The following C1QTNF3 variants were observed in gnomAD, a reference collection of about 807,000 sequenced individuals.
C1QTNF3 encodes complement C1q tumor necrosis factor-related protein 3.
A neutral mutation model predicts 32.6 loss-of-function variants in C1QTNF3; 26 were observed. The observed-to-expected ratio is 0.80, with a 90% CI of 0.58 to 1.11. C1QTNF3 has a LOEUF of 1.11. Ranked by LOEUF, C1QTNF3 falls within the 50% of genes least tolerant of loss-of-function variation. The pLI is 0.00. For missense variants in C1QTNF3, 362 were observed against 398.2 expected (o/e 0.91, Z 0.77); for synonymous variants, 155 against 146.0 (o/e 1.06, Z -0.44).
the C1QTNF3 span, among the ~76,000 whole-genome samples, chr5:34,177,590 G>A: frequency 9.4e-4 from 140 of 148,478 alleles, 1 homozygote; most frequent in African/African-American, 3.3e-3. Flanking sequence ...CAGTTCAAGC[G>A]ATTCTCCTGC....
chr5:34,183,917 G>A, the C1QTNF3 span, among the ~76,000 whole-genome samples: 1 of 152,292 alleles, frequency 6.6e-6, no homozygotes, highest in African/African-American at 2.4e-5. Flanking sequence ...GGCAAGGAGG[G>A]GTGAGTTATA....
chr5:34,138,320 C>G, the C1QTNF3 span, among the ~76,000 whole-genome samples: 1 of 152,004 alleles, frequency 6.6e-6, no homozygotes, highest in Non-Finnish European at 1.5e-5. Context: ...TTTTTTTCCA[C>G]CTGGTACCTA....
the C1QTNF3 span, among the ~76,000 whole-genome samples, chr5:34,053,141 T>C: frequency 6.6e-6 from 1 of 152,158 alleles, no homozygotes; most frequent in Non-Finnish European, 1.5e-5. Context: ...AAACCTTGAG[T>C]GTGCCTTGAA....
the C1QTNF3 span, among the ~76,000 whole-genome samples, chr5:34,197,339 A>C: frequency 6.6e-6 from 1 of 152,278 alleles, no homozygotes; most frequent in African/African-American, 2.4e-5. Context: ...CAGAGATGGC[A>C]TGGTAAAGTA....
the C1QTNF3 span, among the ~76,000 whole-genome samples, chr5:34,139,407 C>T: frequency 1.3e-5 from 2 of 151,880 alleles, no homozygotes; most frequent in Admixed American, 6.6e-5. Flanking sequence ...ATTTCATCAC[C>T]CTATCCTCCC....
the C1QTNF3 span, among the ~76,000 whole-genome samples, chr5:34,170,018 T>C: frequency 6.6e-6 from 1 of 152,190 alleles, no homozygotes; most frequent in Non-Finnish European, 1.5e-5. Context: ...ATAGCCAATA[T>C]ATGGAAATGA....
chr5:34,167,815 T>C, the C1QTNF3 span: 1 of 152,324 alleles, frequency 6.6e-6, no homozygotes, highest in East Asian at 1.9e-4. Flanking sequence ...TGTGTTGTTT[T>C]CCTTTAGTTT....
the C1QTNF3 span, among the ~76,000 whole-genome samples, chr5:34,171,815 T>A: frequency 6.6e-6 from 1 of 152,220 alleles, no homozygotes; most frequent in Admixed American, 6.5e-5. Context: ...AATAGTTACA[T>A]GATTGATAAC....
the C1QTNF3 span, among the ~76,000 whole-genome samples, chr5:34,134,661 G>A: frequency 2.4e-4 from 37 of 152,224 alleles, no homozygotes; most frequent in East Asian, 5.6e-3. Flanking sequence ...TGGATTCCTA[G>A]GTATTTTCCT....
At chr5:34,225,589 T>G in the C1QTNF3 span, among the ~76,000 whole-genome samples, 2 of 151,984 alleles carry the variant, frequency 1.3e-5, no homozygotes, top group Non-Finnish European at 2.9e-5. Flanking sequence ...AATTGACCCC[T>G]CTGTACCTCT....
At chr5:34,136,444 A>G in the C1QTNF3 span, among the ~76,000 whole-genome samples, 1 of 152,242 alleles carries the variant, frequency 6.6e-6, no homozygotes, top group Non-Finnish European at 1.5e-5. Flanking sequence ...TCAAAACCAC[A>G]ATGAGATACC....
the C1QTNF3 span, among the ~76,000 whole-genome samples, chr5:34,217,286 T>G: frequency 6.6e-6 from 1 of 152,134 alleles, no homozygotes; most frequent in Non-Finnish European, 1.5e-5. Flanking sequence ...GCCATTATTT[T>G]CCATAAAAAA....
the C1QTNF3 span, among the ~76,000 whole-genome samples, chr5:34,179,581 A>G: frequency 3.9e-5 from 6 of 152,138 alleles, no homozygotes; most frequent in Non-Finnish European, 7.4e-5. Flanking sequence ...CTTGAGATGT[A>G]TTTTACATAA....
the C1QTNF3 span, among the ~76,000 whole-genome samples, chr5:34,222,326 GT>G: frequency 6.6e-6 from 1 of 151,830 alleles, no homozygotes; most frequent in African/African-American, 2.4e-5. Context: ...ATTGTAAATG[GT>G]TGTATTTGGT....
At chr5:34,038,005 T>C (rs748281351) in intron 1 of C1QTNF3, among the ~76,000 whole-genome samples, 1 of 152,112 alleles carries the variant, frequency 6.6e-6, no homozygotes, top group Non-Finnish European at 1.5e-5. Flanking sequence ...ACCATCGATA[T>C]AGGAATGGAA....
At chr5:34,177,480 C>CTT in the C1QTNF3 span, among the ~76,000 whole-genome samples, 1,817 of 84,552 alleles carry the variant, frequency 0.021, 53 homozygotes, top group East Asian at 0.089. Context: ...CCATACCCAA[C>CTT]TTTTTTTTTT....
At chr5:34,161,742 T>C in the C1QTNF3 span, among the ~76,000 whole-genome samples, 48 of 152,292 alleles carry the variant, frequency 3.2e-4, no homozygotes, top group African/African-American at 9.4e-4. Flanking sequence ...TTTAAAAATA[T>C]TGTAAATGTA....
chr5:34,063,224 C>T, the C1QTNF3 span, among the ~76,000 whole-genome samples: 1 of 151,960 alleles, frequency 6.6e-6, no homozygotes, highest in Non-Finnish European at 1.5e-5. Context: ...CTCTTTCTTT[C>T]TCTCTTTGAC....
upstream of C1QTNF3, among the ~76,000 whole-genome samples, chr5:34,045,579 T>C (rs186732361): frequency 1.5e-3 from 233 of 152,296 alleles, 2 homozygotes; most frequent in African/African-American, 5.2e-3. Context: ...TCCCATCTTA[T>C]AGATGAGGTG....
Sources: gnomAD v4.1 joint callset for allele counts (sites outside exome capture counted in the v4.1 genomes callset) on GRCh38, gnomAD v4.1.1 for gene constraint, MANE v1.5 for transcripts, NCBI Gene and HGNC (gene_info 2026-07-23, HGNC 2026-07-21) for gene names.